KNTC1: variants seen among roughly 807,000 people sequenced by gnomAD.
The protein encoded by KNTC1 is kinetochore-associated protein 1.
KNTC1 carries 253 observed loss-of-function variants against 314.4 expected under a neutral mutation model. That is an observed-to-expected ratio of 0.80 (90% CI 0.73 to 0.89). The LOEUF (loss-of-function observed/expected upper bound fraction) is 0.89, where lower values mean the gene tolerates loss of function less well. KNTC1 is among the 40% of genes least tolerant of loss of function. KNTC1 has a pLI of 0.00. For missense variants in KNTC1, 2,475 were observed against 2,572.9 expected (o/e 0.96, Z 0.82); for synonymous variants, 901 against 901.4 (o/e 1.00, Z 0.01).
In KNTC1 at chr12:122,602,839, C is replaced by T; in HGVS notation, c.4836C>T (p.Leu1612=). 1 of 1,612,860 alleles carries T rather than the reference C, an allele frequency of 6.2e-7. No individual in the cohort carries two copies. The part of the protein sequence containing the change: ...QNFWKILSTE[L]SEESFPTLLL... The stretch of plus-strand genomic sequence containing the variant: ...TTGTTTCCTTTCTAGCTACAGAACT[C>T]AGTGAAGAATCTTTCCCAACATTGC... Residue 1612 remains leucine (L), a synonymous_variant, in exon 47 of 64, where the codon CTC becomes CTT. Transcript: ENST00000333479.
intron 44 of KNTC1, among the ~76,000 whole-genome samples, chr12:122,600,352 G>A (rs1871690161): frequency 6.6e-6 from 1 of 152,140 alleles, no homozygotes; most frequent in African/African-American, 2.4e-5. Flanking sequence ...ACCTGCCTTA[G>A]CCTCCCAAAG....
At chr12:122,535,106 C>T (rs141291986) in intron 3 of KNTC1, among the ~76,000 whole-genome samples, 46 of 152,286 alleles carry the variant, frequency 3.0e-4, no homozygotes, top group African/African-American at 9.1e-4. Context: ...TACAGAATTT[C>T]GGTATCATTA....
chr12:122,598,274 A>T (rs1871332469), intron 44 of KNTC1, among the ~76,000 whole-genome samples: 1 of 152,204 alleles, frequency 6.6e-6, no homozygotes, highest in Non-Finnish European at 1.5e-5. Context: ...TAACTATCTT[A>T]AACTAAATAT....
intron 16 of KNTC1, among the ~76,000 whole-genome samples, chr12:122,554,074 AAAAT>A (rs1297937060): frequency 0.023 from 1,592 of 70,626 alleles, 35 homozygotes; most frequent in African/African-American, 0.072. Context: ...TAAAAAAAAA[AAAAT>A]ATATATATAT....
intron 22 of KNTC1, 119 bp from the exon 23 acceptor site, chr12:122,570,757 G>A (rs1006809215): frequency 7.1e-6 from 5 of 707,264 alleles, no homozygotes; most frequent in East Asian, 5.6e-5. Flanking sequence ...AAAGACAATC[G>A]TGGATAAGAG....
intron 2 of KNTC1, among the ~76,000 whole-genome samples, chr12:122,532,515 T>C (rs1593470884): frequency 6.6e-6 from 1 of 152,246 alleles, no homozygotes; most frequent in East Asian, 1.9e-4. Context: ...GCTTTATTTT[T>C]TAATATTATC....
chr12:122,553,996 A>C (rs953432119), intron 16 of KNTC1, among the ~76,000 whole-genome samples: 1 of 150,570 alleles, frequency 6.6e-6, no homozygotes, highest in Non-Finnish European at 1.5e-5. Flanking sequence ...AATATTTACT[A>C]AGTGGGTGCT....
intron 11 of KNTC1, 82 bp downstream of exon 11, chr12:122,547,612 A>C (rs1654762928): frequency 1.1e-6 from 1 of 894,348 alleles, no homozygotes; most frequent in Admixed American, 2.2e-5. Flanking sequence ...GTCATTTATT[A>C]TGTTTTACAT....
rs145806662 is a variant in KNTC1 at position 122,535,243 on chromosome 12, G to C, written c.250+459G>C. Among the ~76,000 whole-genome samples the C allele has an allele frequency of 7.9e-5, 12 of 152,352 alleles. No homozygotes were observed. In the East Asian group the frequency reaches 2.3e-3, roughly 29 times the overall value. On this transcript the variant is annotated intron_variant, in intron 3 of 63. Transcript: ENST00000333479. ...AATGTGGATTTGAGAGTGAATTAAA[G>C]CTGGGCGTGGTGGCTCATGCCTGCA... is the stretch of plus-strand genomic sequence containing the variant.
chr12:122,528,537 C>G (rs1188541076), intron 1 of KNTC1, among the ~76,000 whole-genome samples: 1 of 152,052 alleles, frequency 6.6e-6, no homozygotes, highest in African/African-American at 2.4e-5. Flanking sequence ...ATAGTGAGAC[C>G]CTCGTCTCTC....
intron 20 of KNTC1, among the ~76,000 whole-genome samples, chr12:122,564,813 C>CA (rs770013985): frequency 2.6e-5 from 4 of 152,126 alleles, no homozygotes; most frequent in Non-Finnish European, 5.9e-5. Context: ...TGATCATAGT[C>CA]AGATTCTTAC....
At chr12:122,607,139 C>T (rs1365809503) in intron 51 of KNTC1, among the ~76,000 whole-genome samples, 1 of 152,152 alleles carries the variant, frequency 6.6e-6, no homozygotes, top group South Asian at 2.1e-4. Flanking sequence ...TATTAGCTCA[C>T]TGCAACCCCC....
chr12:122,599,357 A>G (rs1414393247), intron 44 of KNTC1, among the ~76,000 whole-genome samples: 1 of 70,830 alleles, frequency 1.4e-5, no homozygotes. Flanking sequence ...AATGGCAGGG[A>G]AAAAAATTTT....
intron 57 of KNTC1, 77 bp from the exon 58 acceptor site, chr12:122,618,266 C>G: frequency 7.6e-7 from 1 of 1,316,406 alleles, no homozygotes; most frequent in Non-Finnish European, 1.1e-6. Context: ...GCCACCGCGC[C>G]TGGCCTAGAC....
intron 44 of KNTC1, 75 bp from the exon 45 acceptor site, chr12:122,601,461 T>G (rs1162390048): frequency 1.7e-6 from 2 of 1,209,674 alleles, no homozygotes; most frequent in African/African-American, 3.1e-5. Flanking sequence ...TAATCTGTGC[T>G]GATTATTGTA....
intron 49 of KNTC1, 33 bp from the exon 50 acceptor site, chr12:122,604,844 A>T (rs1872401224): frequency 1.3e-6 from 2 of 1,563,490 alleles, no homozygotes; most frequent in Non-Finnish European, 1.7e-6. Context: ...CTTACAAAGT[A>T]AGATTTTCTT....
chr12:122,577,921 T>A (rs1014477040), intron 31 of KNTC1, 130 bp downstream of exon 31: 2 of 785,410 alleles, frequency 2.5e-6, no homozygotes, highest in Non-Finnish European at 3.7e-6. Flanking sequence ...AGTGAAAAAA[T>A]TCCTGGGTAA....
intron 40 of KNTC1, 141 bp downstream of exon 40, chr12:122,588,957 A>T (rs1424041975): frequency 4.4e-6 from 2 of 454,340 alleles, no homozygotes; most frequent in African/African-American, 2.0e-5. Flanking sequence ...TCTTATAGCT[A>T]ATCAATTATA....
intron 45 of KNTC1, 163 bp downstream of exon 45, chr12:122,601,788 A>G: frequency 1.3e-6 from 1 of 767,004 alleles, no homozygotes; most frequent in South Asian, 3.3e-5. Flanking sequence ...TTAAAAAAAG[A>G]AAAAGATTTT....
Sources: gnomAD v4.1 joint callset for allele counts (sites outside exome capture counted in the v4.1 genomes callset) on GRCh38, gnomAD v4.1.1 for gene constraint, MANE v1.5 for transcripts, NCBI Gene and HGNC (gene_info 2026-07-23, HGNC 2026-07-21) for gene names.